Variants in GGCT observed in about 807,000 individuals in gnomAD.
GGCT encodes the protein gamma-glutamylcyclotransferase, also known as cytochrome c-releasing factor 21.
In GGCT, 20 loss-of-function variants were observed where a neutral mutation model predicts 22.1. That is an observed-to-expected ratio of 0.91 (90% confidence interval 0.64 to 1.32). The LOEUF (loss-of-function observed/expected upper bound fraction) is 1.32. Among genes scored for constraint, GGCT ranks in the 40% most tolerant of loss-of-function variants. The pLI, the probability that GGCT is intolerant of heterozygous loss-of-function variation, is 0.00. For missense variants in GGCT, 209 were observed against 223.5 expected (o/e 0.94, Z 0.41); for synonymous variants, 72 against 78.4 (o/e 0.92, Z 0.43).
chr7:30,498,962 T>C, intron 2 of GGCT, 24 bp from the exon 3 acceptor site: 1 of 1,613,318 alleles, frequency 6.2e-7, no homozygotes, highest in Non-Finnish European at 8.5e-7. Context: ...AGCCAAATTT[T>C]AACCACATTT....
At chr7:30,504,492 C>T in intron 1 of GGCT, 77 bp downstream of exon 1, 1 of 1,526,434 alleles carries the variant, frequency 6.6e-7, no homozygotes, top group Non-Finnish European at 9.0e-7. Context: ...CTGGCCCGAT[C>T]GGCCACGTGT....
At chr7:30,501,556 T>C (rs1371523816) in intron 1 of GGCT, among the ~76,000 whole-genome samples, 6 of 152,166 alleles carry the variant, frequency 3.9e-5, no homozygotes, top group Admixed American at 2.6e-4. Flanking sequence ...TTAACTTCTT[T>C]CCTCACAGAG....
At chr7:30,503,510 G>A (rs1789749833) in intron 1 of GGCT, among the ~76,000 whole-genome samples, 1 of 152,198 alleles carries the variant, frequency 6.6e-6, no homozygotes, top group Non-Finnish European at 1.5e-5. Context: ...AGACAGCAGG[G>A]ACTCCAGAGA....
At chr7:30,499,636 C>T (rs1264177077) in intron 2 of GGCT, among the ~76,000 whole-genome samples, 2 of 151,622 alleles carry the variant, frequency 1.3e-5, no homozygotes, top group African/African-American at 2.4e-5. Flanking sequence ...CACTGGAACC[C>T]GGGAGGCAGA....
intron 1 of GGCT, among the ~76,000 whole-genome samples, chr7:30,502,971 C>T (rs1789736878): frequency 6.6e-6 from 1 of 152,140 alleles, no homozygotes; most frequent in African/African-American, 2.4e-5. Context: ...GAAGATGTGG[C>T]CCTTCCACAT....
chr7:30,504,426 C>A, intron 1 of GGCT, 143 bp downstream of exon 1: 1 of 950,260 alleles, frequency 1.1e-6, no homozygotes, highest in Admixed American at 2.5e-5. Context: ...AGGAGGTGGA[C>A]CCGCCCAGGA....
At chr7:30,497,955 A>G (rs1340010681) in intron 3 of GGCT, 11 of 865,634 alleles carry the variant, frequency 1.3e-5, no homozygotes, top group Non-Finnish European at 1.6e-5. Context: ...ATAAAAATGA[A>G]TCTTGGTATT....
intron 1 of GGCT, 58 bp from the exon 2 acceptor site, chr7:30,500,739 T>A: frequency 6.8e-7 from 1 of 1,461,528 alleles, no homozygotes; most frequent in Non-Finnish European, 9.5e-7. Context: ...ATTTCCCTCA[T>A]CAAAATAAAA....
chr7:30,497,446 C>T, intron 3 of GGCT: 1 of 393,054 alleles, frequency 2.5e-6, no homozygotes, highest in East Asian at 3.8e-5. Flanking sequence ...AATGAAGCAT[C>T]CTCATGGAAT....
intron 1 of GGCT, among the ~76,000 whole-genome samples, chr7:30,501,183 C>T (rs536605105): frequency 1.3e-5 from 2 of 152,248 alleles, no homozygotes; most frequent in African/African-American, 4.8e-5. Context: ...TACTTATGAA[C>T]ACTAATACTC....
chr7:30,500,456 T>G, intron 2 of GGCT, 80 bp downstream of exon 2: 1 of 1,156,952 alleles, frequency 8.6e-7, no homozygotes, highest in Non-Finnish European at 1.3e-6. Flanking sequence ...TTTGAAAAAC[T>G]AACACACAGG....
chr7:30,497,850 G>A (rs1438769063), intron 3 of GGCT: 2 of 1,447,806 alleles, frequency 1.4e-6, no homozygotes, highest in Admixed American at 4.4e-5. Flanking sequence ...TGCTTGCAAG[G>A]GTGATTTCCC....
intron 3 of GGCT, chr7:30,497,906 A>C: frequency 7.2e-7 from 1 of 1,379,974 alleles, no homozygotes; most frequent in Non-Finnish European, 9.6e-7. Context: ...CCTAGGGATG[A>C]AAAACATTTC....
At chr7:30,497,771 T>C in intron 3 of GGCT, 1 of 1,450,218 alleles carries the variant, frequency 6.9e-7, no homozygotes, top group Non-Finnish European at 9.2e-7. Context: ...TGATTGGGCC[T>C]GCCAACAGAG....
intron 1 of GGCT, among the ~76,000 whole-genome samples, chr7:30,502,400 C>G (rs529251716): frequency 2.6e-5 from 4 of 152,288 alleles, no homozygotes; most frequent in African/African-American, 9.6e-5. Flanking sequence ...GCAATTTGCT[C>G]AAGACATTCT....
chr7:30,500,506 C>T, intron 2 of GGCT, 30 bp downstream of exon 2: 2 of 1,572,622 alleles, frequency 1.3e-6, no homozygotes, highest in Non-Finnish European at 1.7e-6. Flanking sequence ...GAATTAATTA[C>T]TGTTTAACTT....
intron 1 of GGCT, among the ~76,000 whole-genome samples, chr7:30,504,266 G>A (rs1367774832): frequency 6.6e-6 from 1 of 152,264 alleles, no homozygotes; most frequent in Admixed American, 6.5e-5. Context: ...CTCTCCAGAA[G>A]TACCAACTGT....
chr7:30,497,088 T>C lies in GGCT; in HGVS notation c.*4A>G, dbSNP rs1295779160. 3 of 1,568,848 alleles carry C rather than the reference T, an allele frequency of 1.9e-6. No homozygotes were observed. The highest frequency in any genetic ancestry group is 2.6e-6 in the Non-Finnish European group (3 of 1,145,628). The stretch of plus-strand genomic sequence containing the variant: ...GAATACCCTTAGATATATTCTGTTA[T>C]GTTCTAAAGAGTTTGTGTTTCCCCC... On this transcript the variant is annotated 3_prime_UTR_variant, in exon 4 of 4. Coordinates refer to ENST00000275428, the MANE Select transcript of GGCT (RefSeq NM_024051.4).
chr7:30,502,137 T>C (rs1031631717), intron 1 of GGCT, among the ~76,000 whole-genome samples: 3 of 152,238 alleles, frequency 2.0e-5, no homozygotes, highest in African/African-American at 7.2e-5. Context: ...TTGGAGTTGC[T>C]CAAGGCTCAG....
Sources: allele counts gnomAD v4.1 joint callset (sites outside exome capture counted in the v4.1 genomes callset), GRCh38; gene constraint gnomAD v4.1.1; transcripts MANE v1.5; gene names NCBI Gene and HGNC (gene_info 2026-07-23, HGNC 2026-07-21).